SLC12A5: variants seen among roughly 807,000 people sequenced by gnomAD.
SLC12A5 encodes the protein solute carrier family 12 member 5, also known as K-Cl cotransporter 2.
A neutral mutation model predicts 124.0 loss-of-function variants in SLC12A5; 18 were observed. The observed-to-expected ratio is 0.15, with a 90% CI of 0.10 to 0.22. The LOEUF (loss-of-function observed/expected upper bound fraction) is 0.22. Among genes scored for constraint, SLC12A5 ranks in the 10% least tolerant of loss-of-function variants. The pLI, the probability that SLC12A5 is intolerant of heterozygous loss-of-function variation, is 1.00. For missense variants in SLC12A5, 867 were observed against 1,478.7 expected (o/e 0.59, Z 6.78); for synonymous variants, 589 against 568.0 (o/e 1.04, Z -0.53).
chr20:46,022,143 T>C, intron 1 of SLC12A5: 1 of 226,210 alleles, frequency 4.4e-6, no homozygotes, highest in South Asian at 9.1e-5. Context: ...GGAAGGGGTT[T>C]GGACGGAGGC....
intron 11 of SLC12A5, among the ~76,000 whole-genome samples, 167 bp downstream of exon 11, chr20:46,044,100 T>G (rs749734251): frequency 3.4e-4 from 51 of 152,228 alleles, no homozygotes; most frequent in African/African-American, 1.2e-3. Flanking sequence ...ATCTTCCTTC[T>G]GTCACTCCAG....
upstream of SLC12A5, among the ~76,000 whole-genome samples, chr20:46,024,239 C>T (rs2084378721): frequency 6.6e-6 from 1 of 151,934 alleles, no homozygotes; most frequent in Non-Finnish European, 1.5e-5. Context: ...CTCAGTGCTT[C>T]TGTGTGTCAC....
At position 46,058,314 on chromosome 20, in the gene SLC12A5, G is replaced by T; in HGVS notation, c.*709G>T. On this transcript the variant is annotated 3_prime_UTR_variant, in exon 26 of 26. Coordinates refer to ENST00000243964, the MANE Select transcript of SLC12A5 (RefSeq NM_020708.5). The surrounding 1 kb of genome is among the most constrained non-coding windows in gnomAD (Gnocchi z 5.8). ...GCTTTAGGCCCAGGCGGGGGTCGTGGCCTCGTTCCCTCGACACCTCCGTCC... is the reference window on the plus strand; with the variant it reads ...GCTTTAGGCCCAGGCGGGGGTCGTGTCCTCGTTCCCTCGACACCTCCGTCC... 2.5e-6 allele frequency: 1 copy of T among 397,600 alleles called. No individual in the cohort carries two copies. Among genetic ancestry groups the T allele is most frequent in the Non-Finnish European group, 4.4e-6 (1 of 225,744 alleles). The allele number at this position is 397,600 out of a possible 1,614,324, so 24.6% of individuals were successfully genotyped here.
chr20:46,054,911 C>G lies in SLC12A5; in HGVS notation c.2680-5C>G, dbSNP rs780708067. 6.2e-7 allele frequency: 1 copy of G among 1,612,182 alleles called. No individual in the cohort carries two copies. Among genetic ancestry groups the G allele is most frequent in the Admixed American group, 1.7e-5 (1 of 59,966 alleles). The stretch of plus-strand genomic sequence containing the variant: ...CCCCCAACCCCAACCTCTGTCTGCC[C>G]ACAGCATGAGAGCGACATCTCAGCT... On this transcript the variant is annotated splice_region_variant and splice_polypyrimidine_tract_variant and intron_variant, in intron 20 of 25. Transcript: ENST00000243964.
At chr20:46,036,642 T>C in intron 4 of SLC12A5, 99 bp from the exon 5 acceptor site, 1 of 1,266,762 alleles carries the variant, frequency 7.9e-7, no homozygotes. Context: ...AGAGAACCTG[T>C]GGGTTTGGCT....
chr20:46,049,799 A>G lies in SLC12A5; in HGVS notation c.2181+9A>G, dbSNP rs753882744. The G allele has an allele frequency of 1.3e-6, 2 of 1,580,414 alleles. No individual in the cohort carries two copies. Among genetic ancestry groups the G allele is most frequent in the Non-Finnish European group, 1.7e-6 (2 of 1,162,426 alleles). On this transcript the variant is annotated intron_variant, in intron 17 of 25. Coordinates refer to ENST00000243964, the MANE Select transcript of SLC12A5 (RefSeq NM_020708.5). ...CCCAGCGGGCAGAAGAGGTGAGCAG[A>G]GGCCCTGGTTGGGCTTGGGAAAAGG...
Position 46,057,658 on chromosome 20 carries a change from C to T in SLC12A5, c.*53C>T, listed in dbSNP as rs2084709449. 3.6e-6 allele frequency: 5 copies of T among 1,373,206 alleles called. No individual in the cohort carries two copies. Among genetic ancestry groups the T allele is most frequent in the Non-Finnish European group, 5.0e-6 (5 of 997,858 alleles). The allele number at this position is 1,373,206 out of a possible 1,614,324, so 85.1% of individuals were successfully genotyped here. Reference sequence around the variant, plus strand: ...GCGCGCCCGGCCCGCGGCTCCGGAGCCCTCGCCGCGCCCCCCGCCGCTGTC... The same window carrying T: ...GCGCGCCCGGCCCGCGGCTCCGGAGTCCTCGCCGCGCCCCCCGCCGCTGTC... On this transcript the variant is annotated 3_prime_UTR_variant, in exon 26 of 26. Coordinates refer to ENST00000243964, the MANE Select transcript of SLC12A5 (RefSeq NM_020708.5). This position sits in a 1 kb window ranked among gnomAD's most constrained non-coding sequence, Gnocchi z 7.1.
intron 7 of SLC12A5, 146 bp downstream of exon 7, chr20:46,040,760 C>A: frequency 7.7e-7 from 1 of 1,299,852 alleles, no homozygotes; most frequent in Non-Finnish European, 1.0e-6. Context: ...GGGAAAATCT[C>A]TCTTAGTTTG....
intron 21 of SLC12A5, chr20:46,055,914 G>A: frequency 1.8e-6 from 1 of 541,700 alleles, no homozygotes. Flanking sequence ...GCAGAGCCTT[G>A]CTGTGCCAAG....
intron 1 of SLC12A5, among the ~76,000 whole-genome samples, chr20:46,029,858 CTGTGTGTGTGTGTGTGTG>C (rs3080279): frequency 7.5e-6 from 1 of 133,000 alleles, no homozygotes; most frequent in Non-Finnish European, 1.6e-5. Flanking sequence ...GAAGAGGTGG[CTGTGTGTGTGTGTGTGTG>C]TGTGTGTGTG....
intron 18 of SLC12A5, among the ~76,000 whole-genome samples, 193 bp from the exon 19 acceptor site, chr20:46,052,764 G>T (rs752566606): frequency 2.0e-5 from 3 of 152,174 alleles, no homozygotes; most frequent in Admixed American, 2.0e-4. Context: ...GTTGATAGAC[G>T]TTCCTAGATC....
At position 46,035,532 on chromosome 20, in the gene SLC12A5, G is replaced by A. The variant is rs141848967; in HGVS notation, c.276G>A (p.Val92=). The change falls in exon 3 of 26, where the codon GTG becomes GTA. Residue 92 remains valine, a synonymous_variant. Transcript: ENST00000243964. Reference sequence around the variant, plus strand: ...ATGAGGGTGGAAAAAAGAAGCCGGTGCAGGTGAGGACCTCGGGGGATGAGA... The same window carrying A: ...ATGAGGGTGGAAAAAAGAAGCCGGTACAGGTGAGGACCTCGGGGGATGAGA... The part of the protein sequence containing the change: ...ENNEGGKKKP[V]QAPRMGTFMG... The A allele has an allele frequency of 1.7e-5, 28 of 1,613,620 alleles. No homozygotes were observed. The highest frequency in any genetic ancestry group is 2.2e-5 in the Non-Finnish European group (26 of 1,179,878).
chr20:46,032,227 G>A (rs566482621), intron 1 of SLC12A5, among the ~76,000 whole-genome samples: 1 of 152,232 alleles, frequency 6.6e-6, no homozygotes, highest in Non-Finnish European at 1.5e-5. Context: ...ACCGGCGCGG[G>A]GCCACCTAGT....
Position 46,057,753 on chromosome 20 carries a change from G to A in SLC12A5, c.*148G>A. 2 of 625,866 alleles carry A rather than the reference G, an allele frequency of 3.2e-6. No homozygotes were observed. Among genetic ancestry groups the A allele is most frequent in the Non-Finnish European group, 5.4e-6 (2 of 373,100 alleles). 38.8% of individuals were successfully genotyped at this position (625,866 alleles called of 1,614,324 possible). ...CCGCTGCCTGAAGCCCGGAGGCCAC[G>A]CCTGTTGGGGCTGATTCGGAGAGGG... On this transcript the variant is annotated 3_prime_UTR_variant, in exon 26 of 26. Transcript: ENST00000243964. The surrounding 1 kb of genome is among the most constrained non-coding windows in gnomAD (Gnocchi z 7.1).
rs2084367330 is a variant in SLC12A5 at position 46,022,944 on chromosome 20, G to GGAGGAA, written c.68_69insAGAGGA (p.Gly23_Gly24insArgGly). The GGAGGAA allele has an allele frequency of 2.8e-5, 6 of 210,910 alleles. No individual in the cohort carries two copies. In the East Asian group the frequency reaches 7.5e-4, roughly 26 times the overall value. 13.1% of individuals were successfully genotyped at this position (210,910 alleles called of 1,614,324 possible). A position where few individuals can be genotyped will look rare whatever the true frequency, so the allele number is the denominator to read the frequency against. On this transcript the variant is annotated inframe_insertion, in exon 2 of 3. Coordinates refer to the SLC12A5 transcript ENST00000413737. ...TCGGCTTGTAGTGGCCCCAGCGAGG[G>GGAGGAA]GAGGAGGAGGAGGAGGAGGAGGAGG...
At position 46,059,143 on chromosome 20, in the gene SLC12A5, C is replaced by A. The variant is rs142338578; in HGVS notation, c.*1538C>A. 2.5e-3 allele frequency: 534 copies of A among 213,840 alleles called. 2 individuals carry two copies. The highest frequency in any genetic ancestry group is 6.2e-3 in the South Asian group (33 of 5,338). The allele number at this position is 213,840 out of a possible 1,614,324, so 13.2% of individuals were successfully genotyped here. A position where few individuals can be genotyped will look rare whatever the true frequency, so the allele number is the denominator to read the frequency against. ...CTAAGGGGGTCAGGCACTGCATGCT[C>A]GTTCCAGCACCATCTGGGACTGGGT... On this transcript the variant is annotated 3_prime_UTR_variant, in exon 26 of 26. Coordinates refer to ENST00000243964, the MANE Select transcript of SLC12A5 (RefSeq NM_020708.5).
chr20:46,034,823 A>C, intron 1 of SLC12A5, 125 bp from the exon 2 acceptor site: 1 of 809,206 alleles, frequency 1.2e-6, no homozygotes, highest in Non-Finnish European at 2.1e-6. Flanking sequence ...GGAAGGTGGT[A>C]TTAGCCCCAT....
chr20:46,033,717 C>T (rs1173538690), intron 1 of SLC12A5, among the ~76,000 whole-genome samples: 4 of 152,304 alleles, frequency 2.6e-5, no homozygotes, highest in Admixed American at 2.6e-4. Flanking sequence ...GCACCATCAT[C>T]CAACCATTCA....
At chr20:46,039,115 T>C (rs1350961752) in intron 6 of SLC12A5, among the ~76,000 whole-genome samples, 1 of 152,258 alleles carries the variant, frequency 6.6e-6, no homozygotes, top group African/African-American at 2.4e-5. Flanking sequence ...TGTTTTTCTA[T>C]GTGGTATTGT....
Sources: gnomAD v4.1 joint callset for allele counts (sites outside exome capture counted in the v4.1 genomes callset) on GRCh38, gnomAD v4.1.1 for gene constraint, Gnocchi (gnomAD v3.1) non-coding constraint, MANE v1.5 for transcripts, NCBI Gene and HGNC (gene_info 2026-07-23, HGNC 2026-07-21) for gene names.